The following TMEM181 variants were observed in gnomAD, a reference collection of about 807,000 sequenced individuals.
TMEM181 encodes the protein transmembrane protein 181.
A neutral mutation model predicts 71.9 loss-of-function variants in TMEM181; 39 were observed. The observed-to-expected ratio is 0.54, with a 90% CI of 0.42 to 0.71. TMEM181 has a LOEUF of 0.71. Ranked by LOEUF, TMEM181 falls within the 30% of genes least tolerant of loss-of-function variation. TMEM181 has a pLI of 0.00. For missense variants in TMEM181, 595 were observed against 583.0 expected, an observed-to-expected ratio of 1.02 and a Z score of -0.21; for synonymous variants, 245 against 228.8, an observed-to-expected ratio of 1.07 and a Z score of -0.64.
intron 2 of TMEM181, among the ~76,000 whole-genome samples, chr6:158,577,204 A>G (rs373735803): frequency 6.6e-6 from 1 of 152,340 alleles, no homozygotes; most frequent in South Asian, 2.1e-4. Flanking sequence ...AGCTGTCTTA[A>G]AGGTGCTGAG....
intron 4 of TMEM181, 50 bp from the exon 5 acceptor site, chr6:158,585,254 G>C (rs201860196): frequency 1.6e-5 from 25 of 1,525,554 alleles, no homozygotes; most frequent in Non-Finnish European, 2.2e-5. Flanking sequence ...ACCTTTGTAG[G>C]TGTGATGTGC....
intron 7 of TMEM181, among the ~76,000 whole-genome samples, chr6:158,605,599 G>T (rs754574007): frequency 6.6e-6 from 1 of 152,218 alleles, no homozygotes; most frequent in East Asian, 1.9e-4. Context: ...TGTTGATCAT[G>T]TGCGGTGAAA....
chr6:158,623,594 C>G lies in TMEM181; in HGVS notation c.941C>G (p.Thr314Ser). The G allele has an allele frequency of 6.3e-7, 1 of 1,581,530 alleles. No individual in the cohort carries two copies. ...HDPMYQYRVD[T>S]GNFQGMKVFF... ...CCAATGTACCAGTATCGAGTTGATA[C>G]CGGAAATTTTCAGGTAAGGATTGTT... Residue 314 changes from threonine to serine, a missense_variant, in exon 11 of 17, where the codon ACC becomes AGC. Coordinates refer to ENST00000684151, the MANE Select transcript of TMEM181 (RefSeq NM_001376852.1).
intron 13 of TMEM181, among the ~76,000 whole-genome samples, chr6:158,626,166 G>A (rs1337835919): frequency 2.6e-5 from 4 of 152,230 alleles, no homozygotes; most frequent in Admixed American, 1.3e-4. Context: ...GCCATTGGGG[G>A]AGATGGGAGG....
chr6:158,565,314 A>G (rs991649440), intron 1 of TMEM181, among the ~76,000 whole-genome samples: 1 of 152,134 alleles, frequency 6.6e-6, no homozygotes, highest in Non-Finnish European at 1.5e-5. Context: ...AGGGGTAGGC[A>G]CTTAGTGGGC....
chr6:158,573,593 G>A, intron 2 of TMEM181, 70 bp downstream of exon 2: 2 of 1,285,612 alleles, frequency 1.6e-6, no homozygotes, highest in Non-Finnish European at 2.2e-6. Context: ...CTTTCGGTCA[G>A]CCCAGCTGTG....
chr6:158,610,705 G>C, intron 10 of TMEM181: 1 of 285,676 alleles, frequency 3.5e-6, no homozygotes, highest in East Asian at 7.0e-5. Flanking sequence ...CGTTATGGGC[G>C]CTCACTGCAG....
Position 158,599,998 on chromosome 6 carries a change from C to T in TMEM181, c.493-5269C>T, listed in dbSNP as rs114372810. Among the ~76,000 whole-genome samples the T allele has an allele frequency of 6.4e-3, 977 of 152,216 alleles. 15 individuals carry two copies. The highest frequency in any genetic ancestry group is 0.022 in the African/African-American group (906 of 41,544). Reference sequence around the variant, plus strand: ...GACGCATGATAGGAGGAAGGAAGCCCGGATGGAGTGTGATGAAGGCGCCGC... The same window carrying T: ...GACGCATGATAGGAGGAAGGAAGCCTGGATGGAGTGTGATGAAGGCGCCGC... On this transcript the variant is annotated intron_variant, in intron 6 of 16. Coordinates refer to ENST00000684151, the MANE Select transcript of TMEM181 (RefSeq NM_001376852.1).
At chr6:158,544,241 T>G (rs1488446795) in intron 1 of TMEM181, among the ~76,000 whole-genome samples, 2 of 135,882 alleles carry the variant, frequency 1.5e-5, no homozygotes, top group Admixed American at 1.5e-4. Flanking sequence ...GAGTATGCAA[T>G]GAAGGCAGAG....
intron 2 of TMEM181, among the ~76,000 whole-genome samples, chr6:158,577,361 G>C (rs1783223182): frequency 6.6e-6 from 1 of 152,160 alleles, no homozygotes; most frequent in African/African-American, 2.4e-5. Context: ...GTAGAGGAAA[G>C]AATCAGTGAA....
intron 6 of TMEM181, among the ~76,000 whole-genome samples, chr6:158,591,442 C>A (rs2128306298): frequency 6.6e-6 from 1 of 152,172 alleles, no homozygotes; most frequent in East Asian, 1.9e-4. Flanking sequence ...CTCAGCCAGC[C>A]TTTCCAGATC....
intron 10 of TMEM181, among the ~76,000 whole-genome samples, chr6:158,615,735 A>AT (rs1785574673): frequency 6.6e-6 from 1 of 152,232 alleles, no homozygotes; most frequent in African/African-American, 2.4e-5. Context: ...CATTTATCAA[A>AT]TAGGGAATCC....
intron 1 of TMEM181, among the ~76,000 whole-genome samples, chr6:158,545,728 T>G (rs1433767949): frequency 6.6e-6 from 1 of 152,026 alleles, no homozygotes; most frequent in Non-Finnish European, 1.5e-5. Context: ...TTGCCCAGGT[T>G]GGAGTGCAGT....
intron 7 of TMEM181, among the ~76,000 whole-genome samples, 168 bp downstream of exon 7, chr6:158,605,515 C>T (rs181369106): frequency 1.8e-4 from 28 of 152,124 alleles, no homozygotes; most frequent in African/African-American, 5.3e-4. Context: ...GAGATGCTGC[C>T]GTGCAAGAAA....
chr6:158,623,865 G>A (rs1050431144), intron 11 of TMEM181, among the ~76,000 whole-genome samples: 1 of 151,904 alleles, frequency 6.6e-6, no homozygotes, highest in Non-Finnish European at 1.5e-5. Context: ...GGTTCAAGTG[G>A]TTCTCCTGCG....
rs6905898 is a variant in TMEM181, at chr6:158,625,044, T to A, written c.955-60T>A. The A allele has an allele frequency of 4.5e-5, 59 of 1,304,428 alleles. 2 individuals are homozygous for A. The South Asian group carries it at 6.4e-4, about 14-fold the overall frequency. 80.8% of individuals were successfully genotyped at this position (1,304,428 alleles called of 1,614,324 possible). ...GTGGCTTTCCTGCCTGTGGTGGTGC[T>A]GGGAGGAGAAGGTCACAGAGGCCCT... On this transcript the variant is annotated intron_variant, in intron 11 of 16. Coordinates refer to ENST00000684151, the MANE Select transcript of TMEM181 (RefSeq NM_001376852.1).
At chr6:158,585,597 C>T (rs977500471) in intron 5 of TMEM181, among the ~76,000 whole-genome samples, 172 bp downstream of exon 5, 1 of 152,238 alleles carries the variant, frequency 6.6e-6, no homozygotes, top group Non-Finnish European at 1.5e-5. Flanking sequence ...CTTATTTTTA[C>T]AGTTGGATAC....
chr6:158,596,122 G>A (rs1454725541), intron 6 of TMEM181, among the ~76,000 whole-genome samples: 1 of 152,004 alleles, frequency 6.6e-6, no homozygotes, highest in African/African-American at 2.4e-5. Context: ...GGGTTTCACT[G>A]CGTTAGCCAG....
At chr6:158,574,301 C>T (rs559004262) in intron 2 of TMEM181, among the ~76,000 whole-genome samples, 13 of 152,220 alleles carry the variant, frequency 8.5e-5, no homozygotes, top group African/African-American at 2.6e-4. Flanking sequence ...GGTAAATGGA[C>T]GAGGAAGCTG....
Sources: gnomAD v4.1 joint callset for allele counts (sites outside exome capture counted in the v4.1 genomes callset) on GRCh38, gnomAD v4.1.1 for gene constraint, MANE v1.5 for transcripts, NCBI Gene and HGNC (gene_info 2026-07-23, HGNC 2026-07-21) for gene names.